The following CHRNA4 variants were observed in gnomAD, a reference collection of about 807,000 sequenced individuals.
CHRNA4 encodes the protein cholinergic receptor nicotinic alpha 4 subunit, also known as neuronal acetylcholine receptor subunit alpha-4.
Under a neutral mutation model 48.9 loss-of-function variants are expected in CHRNA4, and 28 were observed. That is an observed-to-expected ratio of 0.57 (90% CI 0.42 to 0.79). The LOEUF (loss-of-function observed/expected upper bound fraction) is 0.79. Ranked by LOEUF, CHRNA4 falls within the 30% of genes least tolerant of loss-of-function variation. CHRNA4 has a pLI of 0.00. For synonymous variants in CHRNA4, 425 were observed against 402.3 expected (o/e 1.06, Z -0.68); for missense variants, 859 against 898.4 (o/e 0.96, Z 0.56).
At chr20:63,354,695 G>A in intron 4 of CHRNA4, 1 of 984,934 alleles carries the variant, frequency 1.0e-6, no homozygotes, top group East Asian at 1.1e-4. Context: ...CTGGAGGGCT[G>A]TGCACAGGCA....
At chr20:63,351,156 CCCACATCCACGT>C (rs2068596670) in intron 4 of CHRNA4, 129 bp from the exon 5 acceptor site, 1 of 764,548 alleles carries the variant, frequency 1.3e-6, no homozygotes. Flanking sequence ...CACGTCCACG[CCCACATCCACGT>C]CCACGCCCAC....
intron 4 of CHRNA4, among the ~76,000 whole-genome samples, chr20:63,351,959 G>C (rs45577639): frequency 2.6e-5 from 4 of 152,044 alleles, no homozygotes; most frequent in Admixed American, 2.6e-4. Flanking sequence ...GGCAGCAGCC[G>C]ACCCTCCACC....
chr20:63,350,689 C>G lies in CHRNA4; in HGVS notation c.722G>C (p.Arg241Pro). The G allele has an allele frequency of 6.2e-7, 1 of 1,613,776 alleles. No individual in the cohort carries two copies. Reference protein sequence around the residue: ...PDITYAFVIRRLPLFYTINLI... With the variant: ...PDITYAFVIRPLPLFYTINLI... ...GTTGATGGTGTAGAAGAGCGGCAGCCGCCGGATGACGAAGGCATAGGTGAT... is the reference window on the plus strand; with the variant it reads ...GTTGATGGTGTAGAAGAGCGGCAGCGGCCGGATGACGAAGGCATAGGTGAT... Residue 241 changes from arginine (R) to proline (P), a missense_variant, in exon 5 of 6, where the codon CGG (arginine) becomes CCG (proline). This residue lies in a region of CHRNA4 where 342 missense variants were observed against 365.3 expected (regional missense o/e 0.94). Transcript: ENST00000370263.
At chr20:63,351,097 C>T in intron 4 of CHRNA4, 70 bp from the exon 5 acceptor site, 1 of 1,537,590 alleles carries the variant, frequency 6.5e-7, no homozygotes. Flanking sequence ...ACGCCCACTG[C>T]CACACCCATG....
chr20:63,357,504 C>A (rs532841385), intron 2 of CHRNA4, among the ~76,000 whole-genome samples: 1 of 152,356 alleles, frequency 6.6e-6, no homozygotes, highest in South Asian at 2.1e-4. Flanking sequence ...TGGAAAAGCA[C>A]TGGGTCTTCC....
rs1245687454 is a variant in CHRNA4, at chr20:63,355,908, G to A, written c.383+67C>T. ...TTGGTGGAGCTCCCTGTCTGGGCAG[G>A]GGCAGGCCCTGGCCACTCCTGCCCA... On this transcript the variant is annotated intron_variant, in intron 4 of 5. Coordinates refer to ENST00000370263, the MANE Select transcript of CHRNA4 (RefSeq NM_000744.7). The A allele has an allele frequency of 1.0e-5, 16 of 1,591,922 alleles. No individual in the cohort carries two copies. The South Asian group carries it at 1.5e-4, about 15-fold the overall frequency.
intron 4 of CHRNA4, chr20:63,355,465 G>A (rs2068702403): frequency 8.2e-7 from 1 of 1,226,390 alleles, no homozygotes; most frequent in South Asian, 1.3e-5. Context: ...AGAGGCCCTA[G>A]TGGCATGAGA....
In CHRNA4 at chr20:63,350,159, G is replaced by A. The variant is rs1412148347; in HGVS notation, c.1252C>T (p.Pro418Ser). The change falls in exon 5 of 6, where the codon CCT becomes TCT. Residue 418 changes from proline (P) to serine (S), a missense_variant. Coordinates refer to ENST00000370263, the MANE Select transcript of CHRNA4 (RefSeq NM_000744.7). Reference sequence around the variant, plus strand: ...GAGGGTGACTTGCAGGAAGGCCCAGGCTCAGCCGGCACATCCAGGGGGACA... The same window carrying A: ...GAGGGTGACTTGCAGGAAGGCCCAGACTCAGCCGGCACATCCAGGGGGACA... ...FCVPLDVPAE[P>S]GPSCKSPSDQ... 1.9e-6 allele frequency: 3 copies of A among 1,582,196 alleles called. No individual in the cohort carries two copies. Among genetic ancestry groups the A allele is most frequent in the African/African-American group, 1.3e-5 (1 of 74,498 alleles).
chr20:63,346,442 C>T lies in CHRNA4; in HGVS notation c.*296G>A, dbSNP rs1049255645. ...TCCATCTGCAGGGGAGCTCAGGAGACTCTTGAACTGGACTTAGCCCGAGTC... is the reference window on the plus strand; with the variant it reads ...TCCATCTGCAGGGGAGCTCAGGAGATTCTTGAACTGGACTTAGCCCGAGTC... On this transcript the variant is annotated 3_prime_UTR_variant, in exon 6 of 6. Coordinates refer to ENST00000370263, the MANE Select transcript of CHRNA4 (RefSeq NM_000744.7). 2.4e-5 allele frequency: 14 copies of T among 584,244 alleles called. No individual in the cohort carries two copies. The highest frequency in any genetic ancestry group is 1.7e-4 in the Admixed American group (8 of 46,218). The allele number at this position is 584,244 out of a possible 1,614,324, so 36.2% of individuals were successfully genotyped here.
intron 4 of CHRNA4, among the ~76,000 whole-genome samples, chr20:63,354,918 G>A (rs930473935): frequency 5.9e-5 from 9 of 152,278 alleles, no homozygotes; most frequent in Admixed American, 3.9e-4. Flanking sequence ...CTCTGGAAAA[G>A]CGTCCGGCCC....
rs76895198 is a variant in CHRNA4 at position 63,349,711 on chromosome 20, G to A, written c.1700C>T (p.Ala567Val). ...TGCAATGTACTGGACGCCCTCCACC[G>A]CCCGGGTCAGGGCCGGCGACAGGGG... ...HLPLSPALTRAVEGVQYIADH... is the reference protein window; with the variant it reads ...HLPLSPALTRVVEGVQYIADH... The change falls in exon 5 of 6, where the codon GCG becomes GTG. Residue 567 changes from alanine (A) to valine (V), a missense_variant. Around this residue, in one of 3 missense-constraint regions of CHRNA4, gnomAD observed 478 missense variants for 455.4 expected, o/e 1.05. Transcript: ENST00000370263. 73 of 1,612,842 alleles carry A rather than the reference G, an allele frequency of 4.5e-5. No homozygotes were observed. Among genetic ancestry groups the A allele is most frequent in the Middle Eastern group, 3.3e-4 (2 of 6,060 alleles).
At chr20:63,359,273 G>GGT in intron 2 of CHRNA4, 1 of 509,204 alleles carries the variant, frequency 2.0e-6, no homozygotes, top group Non-Finnish European at 3.6e-6. Flanking sequence ...GCTTCCGAAG[G>GGT]TGCCTGGGCT....
At position 63,355,942 on chromosome 20, in the gene CHRNA4, C is replaced by T. The variant is rs558874684; in HGVS notation, c.383+33G>A. ...CTGGCCACTCCTGCCCACCAAGGCC[C>T]TGTAGAGGACTCACTTGTTGTAGAG... On this transcript the variant is annotated intron_variant, in intron 4 of 5. Transcript: ENST00000370263. The T allele has an allele frequency of 8.1e-6, 13 of 1,608,882 alleles. No homozygotes were observed. The East Asian group carries it at 2.5e-4, about 30-fold the overall frequency.
At position 63,345,352 on chromosome 20, in the gene CHRNA4, C is replaced by T. The variant is rs2068474438; in HGVS notation, c.*1386G>A. 1 of 447,824 alleles carries T rather than the reference C, an allele frequency of 2.2e-6. No individual in the cohort carries two copies. Among genetic ancestry groups the T allele is most frequent in the South Asian group, 1.6e-5 (1 of 63,726 alleles). 27.7% of individuals were successfully genotyped at this position (447,824 alleles called of 1,614,324 possible). A position where few individuals can be genotyped will look rare whatever the true frequency, so the allele number is the denominator to read the frequency against. ...CTCCTGAACCGATGTCACTCACAGG[C>T]AGGGGACACGCCATCCTGGCCCCGC... On this transcript the variant is annotated 3_prime_UTR_variant, in exon 6 of 6. Coordinates refer to ENST00000370263, the MANE Select transcript of CHRNA4 (RefSeq NM_000744.7). This position sits in a 1 kb window ranked among gnomAD's most constrained non-coding sequence, Gnocchi z 5.4.
At position 63,359,542 on chromosome 20, in the gene CHRNA4, A is replaced by C. The variant is rs367917715; in HGVS notation, c.228+6T>G. The C allele has an allele frequency of 6.2e-7, 1 of 1,612,556 alleles. No homozygotes were observed. Among genetic ancestry groups the C allele is most frequent in the Non-Finnish European group, 8.5e-7 (1 of 1,179,866 alleles). On this transcript the variant is annotated splice_donor_region_variant and intron_variant, in intron 2 of 5. Transcript: ENST00000370263. ...CACAGTGCACGATGGCCACGCCCTC[A>C]CCTACCACGTCAATGAGCTGAGCGA...
In CHRNA4 at chr20:63,344,404, G is replaced by A. The variant is rs757993356; in HGVS notation, c.*2334C>T. ...AATTTTACCTTAATTAATAAAAACA[G>A]CACTGGACGCAAATACGCCAACATT... On this transcript the variant is annotated 3_prime_UTR_variant, in exon 6 of 6. Transcript: ENST00000370263. This position sits in a 1 kb window ranked among gnomAD's most constrained non-coding sequence, Gnocchi z 4.5. 2.2e-6 allele frequency: 1 copy of A among 453,844 alleles called. No homozygotes were observed. The highest frequency in any genetic ancestry group is 1.6e-5 in the South Asian group (1 of 64,464). The allele number at this position is 453,844 out of a possible 1,614,324, so 28.1% of individuals were successfully genotyped here.
chr20:63,357,381 T>C (rs1471227074), intron 2 of CHRNA4, among the ~76,000 whole-genome samples: 1 of 152,182 alleles, frequency 6.6e-6, no homozygotes, highest in Admixed American at 6.5e-5. Flanking sequence ...CTGGCCCTCC[T>C]GCCCAGTGTC....
Position 63,349,825 on chromosome 20 carries a change from C to T in CHRNA4, c.1586G>A (p.Cys529Tyr), listed in dbSNP as rs2068555114. The change falls in exon 5 of 6, where the codon TGC becomes TAC. Residue 529 changes from cysteine to tyrosine, a missense_variant. Physicochemically the swap from Cys to Tyr is radical, Grantham distance 194 (BLOSUM62 -2). Around this residue, in one of 3 missense-constraint regions of CHRNA4, gnomAD observed 478 missense variants for 455.4 expected, o/e 1.05. Coordinates refer to ENST00000370263, the MANE Select transcript of CHRNA4 (RefSeq NM_000744.7). ...ELPPPDQPSP[C>Y]KCTCKKEPSS... ...GGGCTCCTTCTTGCATGTGCATTTG[C>T]ACGGAGAGGGCTGGTCTGGGGGTGG... 6.2e-7 allele frequency: 1 copy of T among 1,600,240 alleles called. No individual in the cohort carries two copies.
rs1250030488 is a variant in CHRNA4, at chr20:63,343,437, A to T, written c.*3301T>A. ...AGCATTTCTGGTGCAAGGTGAAAGG[A>T]CTCAGCCACTTTAGAAATCCGAAGC... On this transcript the variant is annotated 3_prime_UTR_variant, in exon 6 of 6. Coordinates refer to ENST00000370263, the MANE Select transcript of CHRNA4 (RefSeq NM_000744.7). 1 of 453,878 alleles carries T rather than the reference A, an allele frequency of 2.2e-6. No individual in the cohort carries two copies. The allele number at this position is 453,878 out of a possible 1,614,324, so 28.1% of individuals were successfully genotyped here. A position where few individuals can be genotyped will look rare whatever the true frequency, so the allele number is the denominator to read the frequency against.
Sources: gnomAD v4.1 joint callset for allele counts (sites outside exome capture counted in the v4.1 genomes callset) on GRCh38, gnomAD v4.1.1 for gene constraint, gnomAD v4.1.1 regional missense constraint, Gnocchi (gnomAD v3.1) non-coding constraint, MANE v1.5 for transcripts, NCBI Gene and HGNC (gene_info 2026-07-23, HGNC 2026-07-21) for gene names.